The following GRIK2 variants were observed in gnomAD, a reference collection of about 807,000 sequenced individuals.
The protein encoded by GRIK2 is glutamate receptor ionotropic, kainate 2.
GRIK2 carries 32 observed loss-of-function variants against 100.3 expected under a neutral mutation model. The observed-to-expected ratio is 0.32, with a 90% CI of 0.24 to 0.43. GRIK2 has a LOEUF of 0.43. Ranked by LOEUF, GRIK2 falls within the 20% of genes least tolerant of loss-of-function variation. GRIK2 has a pLI of 1.00. For missense variants in GRIK2, 843 were observed against 1,114.9 expected (o/e 0.76, Z 3.47); for synonymous variants, 417 against 389.4 (o/e 1.07, Z -0.83).
chr6:101,758,047 G>A (rs1010782066), intron 7 of GRIK2, among the ~76,000 whole-genome samples: 8 of 151,966 alleles, frequency 5.3e-5, no homozygotes, highest in African/African-American at 1.7e-4. Flanking sequence ...TGGACAACAT[G>A]GTGAAATCCC....
chr6:101,682,404 G>C (rs924204312), intron 5 of GRIK2, 149 bp from the exon 6 acceptor site: 21 of 568,096 alleles, frequency 3.7e-5, no homozygotes, highest in Middle Eastern at 7.7e-4. Flanking sequence ...TAACTACTGG[G>C]AAAAGATTTA....
intron 9 of GRIK2, among the ~76,000 whole-genome samples, chr6:101,810,206 C>G (rs77198300): frequency 1.3e-5 from 2 of 151,718 alleles, no homozygotes; most frequent in Non-Finnish European, 2.9e-5. Context: ...TGAATGGTAT[C>G]GTATTTTCAT....
intron 11 of GRIK2, among the ~76,000 whole-genome samples, chr6:101,873,340 G>T (rs1785561700): frequency 6.8e-6 from 1 of 147,102 alleles, no homozygotes; most frequent in Non-Finnish European, 1.5e-5. Context: ...GTGAGAACAT[G>T]TGGTGTTTGG....
chr6:101,593,884 C>A (rs554319097), intron 2 of GRIK2, among the ~76,000 whole-genome samples: 1 of 151,620 alleles, frequency 6.6e-6, no homozygotes, highest in Admixed American at 6.6e-5. Flanking sequence ...AGATAGATTG[C>A]GCTATAAGTA....
rs1776133066 is a variant in GRIK2 at position 101,742,870 on chromosome 6, C to T, written c.951+56517C>T. Reference sequence around the variant, plus strand: ...AGGTATAATGAGGCATGCTAGACCCCCCACTTCCCATCATGGCCTAAAACC... The same window carrying T: ...AGGTATAATGAGGCATGCTAGACCCTCCACTTCCCATCATGGCCTAAAACC... On this transcript the variant is annotated intron_variant, in intron 7 of 16. Transcript: ENST00000369134. Among the ~76,000 whole-genome samples, 4 of 152,206 alleles carry T rather than the reference C, an allele frequency of 2.6e-5. No individual in the cohort carries two copies. In the South Asian group the frequency reaches 8.3e-4, roughly 32 times the overall value.
intron 7 of GRIK2, among the ~76,000 whole-genome samples, chr6:101,718,038 A>C (rs2128363143): frequency 6.6e-6 from 1 of 151,918 alleles, no homozygotes; most frequent in Non-Finnish European, 1.5e-5. Flanking sequence ...TTTCTTTGCC[A>C]GGTATTATAC....
intron 2 of GRIK2, among the ~76,000 whole-genome samples, chr6:101,442,362 CA>C (rs1270729942): frequency 3.3e-5 from 5 of 152,128 alleles, no homozygotes; most frequent in African/African-American, 1.2e-4. Context: ...CACCCAGGAA[CA>C]GGAGAGGCCA....
intron 2 of GRIK2, among the ~76,000 whole-genome samples, chr6:101,515,544 G>A (rs1447801796): frequency 1.3e-5 from 2 of 152,128 alleles, no homozygotes; most frequent in African/African-American, 2.4e-5. Context: ...CAGTGTAGAA[G>A]TGTTCCCTGT....
At chr6:102,037,852 T>C (rs962084972) in intron 15 of GRIK2, among the ~76,000 whole-genome samples, 2 of 151,302 alleles carry the variant, frequency 1.3e-5, no homozygotes, top group Admixed American at 6.6e-5. Context: ...CCCAGAAACT[T>C]CATGAGTTAA....
At chr6:102,046,824 C>CTT (rs1212822447) in intron 15 of GRIK2, among the ~76,000 whole-genome samples, 2 of 152,040 alleles carry the variant, frequency 1.3e-5, no homozygotes, top group Non-Finnish European at 2.9e-5. Flanking sequence ...TGAAACAAAT[C>CTT]TTAACAAATT....
chr6:102,018,982 G>T (rs1769283773), intron 14 of GRIK2, among the ~76,000 whole-genome samples: 1 of 151,878 alleles, frequency 6.6e-6, no homozygotes, highest in African/African-American at 2.4e-5. Flanking sequence ...TTCTGCGAAG[G>T]GGTTTGAAAT....
chr6:101,804,220 A>G (rs771035525), intron 9 of GRIK2, among the ~76,000 whole-genome samples: 7 of 151,516 alleles, frequency 4.6e-5, no homozygotes, highest in Non-Finnish European at 8.8e-5. Flanking sequence ...GTCATTTTAG[A>G]AGGAAGTAGA....
chr6:101,753,607 A>G (rs1057121164), intron 7 of GRIK2, among the ~76,000 whole-genome samples: 1 of 151,902 alleles, frequency 6.6e-6, no homozygotes, highest in Non-Finnish European at 1.5e-5. Flanking sequence ...CTTTTAAAGG[A>G]CTCTTTGAAC....
chr6:101,821,120 C>G (rs1261683947), intron 10 of GRIK2, among the ~76,000 whole-genome samples: 2 of 151,996 alleles, frequency 1.3e-5, no homozygotes, highest in Non-Finnish European at 1.5e-5. Context: ...TTTCAAATGA[C>G]TATATTTAAA....
intron 2 of GRIK2, among the ~76,000 whole-genome samples, chr6:101,456,203 T>G (rs564031311): frequency 1.3e-5 from 2 of 152,050 alleles, no homozygotes; most frequent in Admixed American, 1.3e-4. Context: ...TCACTAACAT[T>G]ATAATTTTGG....
intron 2 of GRIK2, among the ~76,000 whole-genome samples, chr6:101,464,563 C>G (rs1415048536): frequency 3.5e-5 from 4 of 114,512 alleles, no homozygotes; most frequent in Non-Finnish European, 4.9e-5. Flanking sequence ...TGTCGCCAGG[C>G]TGGAGTGCAG....
At chr6:101,792,452 C>A (rs926618814) in intron 7 of GRIK2, among the ~76,000 whole-genome samples, 1 of 151,564 alleles carries the variant, frequency 6.6e-6, no homozygotes, top group African/African-American at 2.4e-5. Context: ...TATTTTATTT[C>A]TCCTTCACTT....
intron 2 of GRIK2, among the ~76,000 whole-genome samples, chr6:101,506,228 C>T (rs189639077): frequency 2.0e-5 from 3 of 152,208 alleles, no homozygotes; most frequent in Non-Finnish European, 2.9e-5. Flanking sequence ...AAACACTGTT[C>T]ATGTGTTTTA....
intron 7 of GRIK2, among the ~76,000 whole-genome samples, chr6:101,698,147 G>T (rs1446918935): frequency 7.7e-6 from 1 of 130,094 alleles, no homozygotes; most frequent in Non-Finnish European, 1.7e-5. Flanking sequence ...GACATAGCTA[G>T]TTTAATATCA....
Sources: allele counts gnomAD v4.1 joint callset (sites outside exome capture counted in the v4.1 genomes callset), GRCh38; gene constraint gnomAD v4.1.1; transcripts MANE v1.5; gene names NCBI Gene and HGNC (gene_info 2026-07-23, HGNC 2026-07-21).